The following SGMS1 variants were observed in gnomAD, a reference collection of about 807,000 sequenced individuals.
The protein encoded by SGMS1 is phosphatidylcholine:ceramide cholinephosphotransferase 1.
A neutral mutation model predicts 46.2 loss-of-function variants in SGMS1; 13 were observed. The ratio of observed to expected loss-of-function variants is 0.28; its 90% CI spans 0.18 to 0.45. SGMS1 has a LOEUF of 0.45. Ranked by LOEUF, SGMS1 falls within the 20% of genes least tolerant of loss-of-function variation. The pLI is 1.00. For synonymous variants in SGMS1, 203 were observed against 187.8 expected, an observed-to-expected ratio of 1.08 and a Z score of -0.66; for missense variants, 324 against 519.9, an observed-to-expected ratio of 0.62 and a Z score of 3.66.
chr10:50,503,707 C>G (rs1191070357), intron 3 of SGMS1, among the ~76,000 whole-genome samples: 1 of 152,170 alleles, frequency 6.6e-6, no homozygotes. Flanking sequence ...AGTGAAAGTT[C>G]CCAGCTCGTG....
intron 8 of SGMS1, among the ~76,000 whole-genome samples, chr10:50,317,802 C>CTTTTTT (rs143154915): frequency 2.2e-5 from 3 of 133,590 alleles, no homozygotes; most frequent in African/African-American, 8.4e-5. Context: ...TTATTTCTTT[C>CTTTTTT]TTTTTTTTTT....
At chr10:50,325,529 G>A (rs1245626529) in intron 8 of SGMS1, among the ~76,000 whole-genome samples, 1 of 152,138 alleles carries the variant, frequency 6.6e-6, no homozygotes, top group African/African-American at 2.4e-5. Context: ...TGCTACTTCT[G>A]TGTTTACGAA....
chr10:50,321,970 G>A (rs902939762), intron 8 of SGMS1, among the ~76,000 whole-genome samples: 4 of 152,186 alleles, frequency 2.6e-5, no homozygotes, highest in African/African-American at 9.7e-5. Flanking sequence ...GTGCATTGCA[G>A]AAAAGCTGAC....
intron 6 of SGMS1, among the ~76,000 whole-genome samples, chr10:50,425,155 A>G (rs1039665577): frequency 3.9e-5 from 6 of 152,240 alleles, no homozygotes; most frequent in African/African-American, 1.2e-4. Context: ...GTGGGAATGT[A>G]AATTAGTTCA....
At chr10:50,550,265 CT>C (rs1838137360) in intron 2 of SGMS1, among the ~76,000 whole-genome samples, 1 of 152,196 alleles carries the variant, frequency 6.6e-6, no homozygotes, top group Non-Finnish European at 1.5e-5. Flanking sequence ...AAGAAGGAAT[CT>C]AATCTATGCA....
chr10:50,527,868 C>T (rs1486024114), intron 2 of SGMS1, among the ~76,000 whole-genome samples: 3 of 152,134 alleles, frequency 2.0e-5, no homozygotes, highest in Non-Finnish European at 4.4e-5. Flanking sequence ...TCAGACATGC[C>T]TGGATTTGAT....
At position 50,363,987 on chromosome 10, in the gene SGMS1, G is replaced by C. The variant is rs1324809179; in HGVS notation, c.-231-19642C>G. Among the ~76,000 whole-genome samples, 3 of 151,734 alleles carry C rather than the reference G, an allele frequency of 2.0e-5. No individual in the cohort carries two copies. The East Asian group carries it at 5.8e-4, about 29-fold the overall frequency. ...ATTACTAACATTTTCAAAGACATAA[G>C]GTATCAAAAAAGAACAAGATGGTAC... On this transcript the variant is annotated intron_variant, in intron 6 of 10. Transcript: ENST00000361781.
At chr10:50,581,746 A>G (rs1271171721) in intron 2 of SGMS1, among the ~76,000 whole-genome samples, 1 of 152,248 alleles carries the variant, frequency 6.6e-6, no homozygotes, top group Non-Finnish European at 1.5e-5. Context: ...TTTGGAATAA[A>G]AACACCATTG....
intron 2 of SGMS1, among the ~76,000 whole-genome samples, chr10:50,586,037 A>G (rs947916798): frequency 6.6e-6 from 1 of 152,158 alleles, no homozygotes; most frequent in African/African-American, 2.4e-5. Flanking sequence ...CAACTACTCA[A>G]CCCTGGTCTC....
chr10:50,399,449 C>T (rs1367629050), intron 6 of SGMS1, among the ~76,000 whole-genome samples: 1 of 152,146 alleles, frequency 6.6e-6, no homozygotes, highest in African/African-American at 2.4e-5. Flanking sequence ...AATTATAGTA[C>T]ACCCATCCTA....
In SGMS1 at chr10:50,490,225, G is replaced by C. The variant is rs1588851387; in HGVS notation, c.-497-23293C>G. ...CTTATGTGTGATTCTGTATTAAAAT[G>C]ATTTGCATTTATAATTATTCCTAAT... On this transcript the variant is annotated intron_variant, in intron 3 of 10. Coordinates refer to ENST00000361781, the MANE Select transcript of SGMS1 (RefSeq NM_147156.4). Among the ~76,000 whole-genome samples the C allele has an allele frequency of 2.6e-5, 4 of 152,276 alleles. No individual in the cohort carries two copies. The South Asian group carries it at 8.3e-4, about 32-fold the overall frequency.
intron 3 of SGMS1, among the ~76,000 whole-genome samples, chr10:50,469,138 C>T (rs1159858289): frequency 1.3e-5 from 2 of 152,202 alleles, no homozygotes; most frequent in South Asian, 4.1e-4. Context: ...TGTCGGATAC[C>T]TTTAGGCTAT....
At chr10:50,367,261 C>A (rs1848362090) in intron 6 of SGMS1, among the ~76,000 whole-genome samples, 1 of 152,158 alleles carries the variant, frequency 6.6e-6, no homozygotes, top group Non-Finnish European at 1.5e-5. Context: ...AGGAACACAA[C>A]CCTAGGGACT....
intron 2 of SGMS1, among the ~76,000 whole-genome samples, chr10:50,564,698 C>G (rs569501878): frequency 2.6e-5 from 4 of 152,304 alleles, no homozygotes; most frequent in Admixed American, 2.6e-4. Flanking sequence ...ATGTTCTACT[C>G]ATTGTCAAAA....
At chr10:50,541,822 A>G (rs1020790103) in intron 2 of SGMS1, among the ~76,000 whole-genome samples, 1 of 152,208 alleles carries the variant, frequency 6.6e-6, no homozygotes, top group Non-Finnish European at 1.5e-5. Flanking sequence ...TTTTAAAAAA[A>G]GGATTTTTAT....
At chr10:50,330,051 G>A (rs1396475525) in intron 7 of SGMS1, among the ~76,000 whole-genome samples, 1 of 152,168 alleles carries the variant, frequency 6.6e-6, no homozygotes, top group Non-Finnish European at 1.5e-5. Flanking sequence ...GTACATGCTA[G>A]TATTTTATTA....
chr10:50,341,270 G>A, intron 7 of SGMS1: 1 of 453,892 alleles, frequency 2.2e-6, no homozygotes, highest in Non-Finnish European at 4.4e-6. Flanking sequence ...TGCTTGATGT[G>A]TCATCTGTAT....
At chr10:50,349,031 C>T (rs1464229626) in intron 6 of SGMS1, among the ~76,000 whole-genome samples, 1 of 152,174 alleles carries the variant, frequency 6.6e-6, no homozygotes, top group Non-Finnish European at 1.5e-5. Context: ...TCATAATGGT[C>T]CATCAAGTAT....
At chr10:50,623,248 C>G (rs2131953108) in intron 1 of SGMS1, among the ~76,000 whole-genome samples, 1 of 152,260 alleles carries the variant, frequency 6.6e-6, no homozygotes, top group South Asian at 2.1e-4. Context: ...ACACCGCCAC[C>G]TAGGCTGTGG....
Sources: gnomAD v4.1 joint callset for allele counts (sites outside exome capture counted in the v4.1 genomes callset) on GRCh38, gnomAD v4.1.1 for gene constraint, MANE v1.5 for transcripts, NCBI Gene and HGNC (gene_info 2026-07-23, HGNC 2026-07-21) for gene names.